Variants in MTUS1 observed in about 807,000 individuals in gnomAD.
The protein encoded by MTUS1 is microtubule associated scaffold protein 1, also known as microtubule-associated tumor suppressor 1.
In MTUS1, 109 loss-of-function variants were observed where a neutral mutation model predicts 120.8. The observed-to-expected ratio is 0.90, with a 90% CI of 0.77 to 1.06. The LOEUF (loss-of-function observed/expected upper bound fraction) is 1.06, where lower values mean the gene tolerates loss of function less well. MTUS1 is among the 50% of genes least tolerant of loss of function. The pLI, the probability that MTUS1 is intolerant of heterozygous loss-of-function variation, is 0.00. For synonymous variants in MTUS1, 737 were observed against 550.5 expected (o/e 1.34, Z -4.74); for missense variants, 2,210 against 1,486.3 (o/e 1.49, Z -8.01).
chr8:17,744,082 T>C (rs2047544753), intron 2 of MTUS1, among the ~76,000 whole-genome samples: 1 of 152,172 alleles, frequency 6.6e-6, no homozygotes. Context: ...TAGTTTAGCA[T>C]CACATGACAG....
chr8:17,648,575 T>A (rs1420323237), intron 13 of MTUS1, among the ~76,000 whole-genome samples: 1 of 152,178 alleles, frequency 6.6e-6, no homozygotes, highest in Non-Finnish European at 1.5e-5. Flanking sequence ...GGTTGGCCCA[T>A]TAACAACCAT....
intron 6 of MTUS1, among the ~76,000 whole-genome samples, chr8:17,693,059 AAATGG>A (rs1430314864): frequency 1.3e-5 from 2 of 152,214 alleles, no homozygotes; most frequent in Non-Finnish European, 2.9e-5. Context: ...TGTGAGGTTC[AAATGG>A]CACTCTTCAT....
chr8:17,769,411 G>C (rs1442079112), intron 1 of MTUS1, among the ~76,000 whole-genome samples: 3 of 147,538 alleles, frequency 2.0e-5, no homozygotes, highest in South Asian at 2.1e-4. Context: ...GCAGTGGCGC[G>C]ATCTCGGCTC....
At chr8:17,759,286 C>G (rs1318802775) in intron 1 of MTUS1, among the ~76,000 whole-genome samples, 4 of 148,972 alleles carry the variant, frequency 2.7e-5, no homozygotes, top group Non-Finnish European at 5.9e-5. Flanking sequence ...TTTTTTGAGA[C>G]AAGGTCTCAC....
intron 8 of MTUS1, among the ~76,000 whole-genome samples, chr8:17,658,986 A>T (rs896818764): frequency 6.6e-6 from 1 of 152,152 alleles, no homozygotes. Flanking sequence ...AATCCCCAAA[A>T]CAAAAACTAT....
Position 17,754,299 on chromosome 8 carries a change from T to C in MTUS1, c.1509A>G (p.Pro503=). 1 of 1,614,152 alleles carries C rather than the reference T, an allele frequency of 6.2e-7. No individual in the cohort carries two copies. The highest frequency in any genetic ancestry group is 8.5e-7 in the Non-Finnish European group (1 of 1,180,022). ...CTTTGACATTCTTGAAGTTTGGTCTTGGGTAACTTATAATTTCAGTTTTTC... is the reference window on the plus strand; with the variant it reads ...CTTTGACATTCTTGAAGTTTGGTCTCGGGTAACTTATAATTTCAGTTTTTC... The part of the protein sequence containing the change: ...KVRKTEIISY[P]RPNFKNVKAK... The change falls in exon 2 of 15, where the codon CCA becomes CCG. Residue 503 remains proline, a synonymous_variant. Coordinates refer to ENST00000693296, the MANE Select transcript of MTUS1 (RefSeq NM_001363059.2).
chr8:17,799,497 A>G (rs1331769890), intron 1 of MTUS1, among the ~76,000 whole-genome samples: 1 of 152,146 alleles, frequency 6.6e-6, no homozygotes, highest in Non-Finnish European at 1.5e-5. Context: ...ACTTTTCTCA[A>G]TCTACCTATT....
intron 11 of MTUS1, 49 bp downstream of exon 11, chr8:17,653,376 A>G: frequency 6.5e-7 from 1 of 1,543,846 alleles, no homozygotes; most frequent in Non-Finnish European, 8.8e-7. Flanking sequence ...CAAAATCAAA[A>G]ATGATATTTT....
chr8:17,656,172 T>C (rs1480477945), intron 8 of MTUS1, 107 bp from the exon 9 acceptor site: 9 of 967,532 alleles, frequency 9.3e-6, no homozygotes, highest in South Asian at 2.8e-5. Flanking sequence ...CATACACCCA[T>C]GATGTCTTGG....
At chr8:17,735,333 T>C (rs1486046380) in intron 3 of MTUS1, among the ~76,000 whole-genome samples, 1 of 152,058 alleles carries the variant, frequency 6.6e-6, no homozygotes, top group South Asian at 2.1e-4. Flanking sequence ...CACTTAGGAC[T>C]GTTCACACCA....
chr8:17,724,178 A>G (rs1461891041), intron 3 of MTUS1: 2 of 465,124 alleles, frequency 4.3e-6, no homozygotes, highest in Non-Finnish European at 8.4e-6. Context: ...ATAAAAAAAT[A>G]AACAAATTGA....
intron 1 of MTUS1, among the ~76,000 whole-genome samples, chr8:17,769,933 G>T (rs913526532): frequency 1.4e-5 from 2 of 148,054 alleles, no homozygotes; most frequent in Admixed American, 1.3e-4. Context: ...CACACGGGGG[G>T]GGTTGGGGGG....
intron 12 of MTUS1, 55 bp downstream of exon 12, chr8:17,653,130 TA>T: frequency 9.7e-7 from 1 of 1,030,960 alleles, no homozygotes; most frequent in Non-Finnish European, 1.4e-6. Context: ...TGAATGACTC[TA>T]AAAGGCAACT....
At chr8:17,756,057 T>A in intron 1 of MTUS1, 96 bp from the exon 2 acceptor site, 2 of 623,106 alleles carry the variant, frequency 3.2e-6, no homozygotes, top group Non-Finnish European at 4.9e-6. Flanking sequence ...TCAATCACTT[T>A]ATGTTCACAT....
intron 1 of MTUS1, chr8:17,781,040 C>G (rs550941331): frequency 6.6e-6 from 1 of 152,172 alleles, no homozygotes; most frequent in African/African-American, 2.4e-5. Context: ...GGTGTGCAAA[C>G]AGAATTATCC....
At chr8:17,741,395 A>T (rs1032436510) in intron 3 of MTUS1, among the ~76,000 whole-genome samples, 2 of 152,232 alleles carry the variant, frequency 1.3e-5, no homozygotes, top group Non-Finnish European at 2.9e-5. Flanking sequence ...CAAATCCAGA[A>T]TGTTTCCAGT....
At chr8:17,655,767 G>C (rs1328570631) in intron 9 of MTUS1, 96 bp downstream of exon 9, 6 of 1,044,942 alleles carry the variant, frequency 5.7e-6, no homozygotes, top group South Asian at 1.3e-5. Flanking sequence ...ATACCTATTA[G>C]ACTAAAAAAG....
intron 1 of MTUS1, among the ~76,000 whole-genome samples, chr8:17,792,820 C>T (rs1326219876): frequency 6.6e-6 from 1 of 152,242 alleles, no homozygotes; most frequent in Non-Finnish European, 1.5e-5. Context: ...GCCGAGATCA[C>T]ACCACTGTCC....
At chr8:17,734,244 A>G (rs190713626) in intron 3 of MTUS1, 42 of 152,360 alleles carry the variant, frequency 2.8e-4, no homozygotes, top group Admixed American at 2.3e-3. Context: ...ACGTTGCAGA[A>G]CACAGAATAT....
Sources: allele counts gnomAD v4.1 joint callset (sites outside exome capture counted in the v4.1 genomes callset), GRCh38; gene constraint gnomAD v4.1.1; transcripts MANE v1.5; gene names NCBI Gene and HGNC (gene_info 2026-07-23, HGNC 2026-07-21).